Variants in PCDHA4 observed in about 807,000 individuals in gnomAD.
The protein encoded by PCDHA4 is protocadherin alpha-4.
In PCDHA4, 49 loss-of-function variants were observed where a neutral mutation model predicts 61.4. The ratio of observed to expected loss-of-function variants is 0.80; its 90% CI spans 0.63 to 1.01. The LOEUF is 1.01. Ranked by LOEUF, PCDHA4 falls within the 50% of genes least tolerant of loss-of-function variation. The pLI is 0.00. For synonymous variants in PCDHA4, 590 were observed against 550.3 expected, an observed-to-expected ratio of 1.07 and a Z score of -1.01; for missense variants, 1,254 against 1,235.8, an observed-to-expected ratio of 1.01 and a Z score of -0.22.
At chr5:140,924,944 TAA>T (rs11334471) in intron 1 of PCDHA4, among the ~76,000 whole-genome samples, 87 of 142,948 alleles carry the variant, frequency 6.1e-4, no homozygotes, top group African/African-American at 2.0e-3. Flanking sequence ...AATAAAAAGT[TAA>T]AAAAAAAATG....
At position 140,841,172 on chromosome 5, in the gene PCDHA4, G is replaced by A. The variant is rs1479528874; in HGVS notation, c.2385+31600G>A. 5 of 1,035,814 alleles carry A rather than the reference G, an allele frequency of 4.8e-6. No homozygotes were observed. The African/African-American group carries it at 6.5e-5, about 13-fold the overall frequency. The allele number at this position is 1,035,814 out of a possible 1,614,324, so 64.2% of individuals were successfully genotyped here. A position where few individuals can be genotyped will look rare whatever the true frequency, so the allele number is the denominator to read the frequency against. On this transcript the variant is annotated intron_variant, in intron 1 of 3. Coordinates refer to ENST00000530339, the MANE Select transcript of PCDHA4 (RefSeq NM_018907.4). ...GCTGTCTACCAAGAAGTTCTGGTTG[G>A]TCAATGTTCAAAGTCTTTTCTCTGA...
chr5:140,946,363 A>T (rs2093934761), intron 1 of PCDHA4, among the ~76,000 whole-genome samples: 1 of 151,892 alleles, frequency 6.6e-6, no homozygotes, highest in African/African-American at 2.4e-5. Flanking sequence ...AGAAAAGGGA[A>T]CTCTTGCACA....
intron 1 of PCDHA4, chr5:140,836,109 G>C (rs2150253080): frequency 6.2e-7 from 1 of 1,613,728 alleles, no homozygotes; most frequent in Non-Finnish European, 8.5e-7. Flanking sequence ...CACTGGTGGC[G>C]CAGTGAGAGA....
chr5:140,848,252 G>C (rs188149099), intron 1 of PCDHA4: 1 of 468,304 alleles, frequency 2.1e-6, no homozygotes, highest in African/African-American at 2.0e-5. Flanking sequence ...CAGAATAACT[G>C]TGAAATTTTT....
rs1764362378 is a variant in PCDHA4 at position 140,809,098 on chromosome 5, G to A, written c.1911G>A (p.Leu637=). 1.2e-6 allele frequency: 2 copies of A among 1,613,858 alleles called. No individual in the cohort carries two copies. Among genetic ancestry groups the A allele is most frequent in the Admixed American group, 1.7e-5 (1 of 60,012 alleles). ...YTGEISTTRA[L]DETDAPRHRL... ...GCGAGATCAGCACAACGCGTGCCCT[G>A]GACGAAACGGACGCTCCGCGCCACC... Residue 637 remains leucine, a synonymous_variant, in exon 1 of 4, where the codon CTG becomes CTA. Coordinates refer to ENST00000530339, the MANE Select transcript of PCDHA4 (RefSeq NM_018907.4).
intron 1 of PCDHA4, among the ~76,000 whole-genome samples, chr5:140,878,983 AGAAAT>A (rs2153364854): frequency 6.6e-6 from 1 of 152,352 alleles, no homozygotes; most frequent in Non-Finnish European, 1.5e-5. Flanking sequence ...CCTCTATCTT[AGAAAT>A]GAGAGTATGC....
intron 1 of PCDHA4, among the ~76,000 whole-genome samples, chr5:140,900,028 T>C (rs1554188848): frequency 1.3e-5 from 2 of 152,132 alleles, no homozygotes; most frequent in Admixed American, 1.3e-4. Flanking sequence ...CAGTTTGGCC[T>C]TGAATTCCTG....
intron 2 of PCDHA4, chr5:140,982,197 A>G: frequency 1.5e-5 from 6 of 389,618 alleles, no homozygotes; most frequent in Non-Finnish European, 2.1e-5. Flanking sequence ...TTCCTGTTAG[A>G]TTTAGTGAGC....
intron 1 of PCDHA4, among the ~76,000 whole-genome samples, chr5:140,898,901 T>C (rs1196685970): frequency 7.9e-5 from 12 of 152,172 alleles, no homozygotes; most frequent in Admixed American, 7.9e-4. Context: ...GAAGAGGTCC[T>C]TCACGTCCCT....
intron 1 of PCDHA4, chr5:140,824,024 C>A (rs2150131645): frequency 6.2e-7 from 1 of 1,614,004 alleles, no homozygotes; most frequent in East Asian, 2.2e-5. Context: ...TGGTCGTACT[C>A]GCAGCAGAGG....
At chr5:140,839,391 TGA>T (rs2150297382) in intron 1 of PCDHA4, among the ~76,000 whole-genome samples, 1,897 of 151,830 alleles carry the variant, frequency 0.012, 32 homozygotes, top group Middle Eastern at 0.017. Context: ...ATGATGATGA[TGA>T]TGATTATTAT....
chr5:140,821,586 T>C (rs1581772616), intron 1 of PCDHA4: 1 of 645,184 alleles, frequency 1.5e-6, no homozygotes. Context: ...TTTTCTCCCT[T>C]CCCAGCCTCA....
At chr5:140,841,566 G>A (rs2150318318) in intron 1 of PCDHA4, 14 of 1,613,814 alleles carry the variant, frequency 8.7e-6, no homozygotes, top group African/African-American at 4.0e-5. Context: ...CTGCAGAATG[G>A]CATTTTGTTT....
rs554030052 is a variant in PCDHA4 at position 140,856,707 on chromosome 5, A to C, written c.2385+47135A>C. The C allele has an allele frequency of 4.6e-4, 729 of 1,596,628 alleles. 58 individuals carry two copies. The South Asian group carries it at 7.4e-3, about 16-fold the overall frequency. ...ACAGCAACTGATGGAGGCAAACCTGAATTTACCGGATCTGTTTCTCTGCTG... is the reference window on the plus strand; with the variant it reads ...ACAGCAACTGATGGAGGCAAACCTGCATTTACCGGATCTGTTTCTCTGCTG... On this transcript the variant is annotated intron_variant, in intron 1 of 3. Coordinates refer to ENST00000530339, the MANE Select transcript of PCDHA4 (RefSeq NM_018907.4).
Position 140,828,566 on chromosome 5 carries a change from G to C in PCDHA4, c.2385+18994G>C, listed in dbSNP as rs148766603. The C allele has an allele frequency of 2.0e-5, 32 of 1,614,216 alleles. No homozygotes were observed. The African/African-American group carries it at 3.6e-4, about 18-fold the overall frequency. ...TGTGTTTCCACTGGAGGGCGCGTCC[G>C]ATGCAGATGTTGGCTCAAATTCCAT... is the stretch of plus-strand genomic sequence containing the variant. On this transcript the variant is annotated intron_variant, in intron 1 of 3. Transcript: ENST00000530339.
chr5:140,981,502 A>G (rs2096935392), intron 2 of PCDHA4, among the ~76,000 whole-genome samples: 2 of 152,218 alleles, frequency 1.3e-5, no homozygotes, highest in Non-Finnish European at 2.9e-5. Flanking sequence ...TGAACCTGGG[A>G]GGCAGAGGTT....
At chr5:140,829,826 G>C (rs2150175496) in intron 1 of PCDHA4, 2 of 1,613,796 alleles carry the variant, frequency 1.2e-6, no homozygotes, top group East Asian at 4.5e-5. Context: ...TGCAGTGAGC[G>C]AGCTGGTGCC....
intron 1 of PCDHA4, among the ~76,000 whole-genome samples, chr5:140,971,092 G>A (rs1263264725): frequency 2.0e-5 from 3 of 152,168 alleles, no homozygotes; most frequent in Non-Finnish European, 4.4e-5. Flanking sequence ...ACAAATTCTT[G>A]TGAAGCCCTT....
At chr5:140,882,069 G>T in intron 1 of PCDHA4, 1 of 844,446 alleles carries the variant, frequency 1.2e-6, no homozygotes, top group Non-Finnish European at 1.8e-6. Flanking sequence ...ACGTTCATGC[G>T]CATGGTGTCG....
Sources: gnomAD v4.1 joint callset for allele counts (sites outside exome capture counted in the v4.1 genomes callset) on GRCh38, gnomAD v4.1.1 for gene constraint, MANE v1.5 for transcripts, NCBI Gene and HGNC (gene_info 2026-07-23, HGNC 2026-07-21) for gene names.